The following NDFIP2 variants were observed in gnomAD, a reference collection of about 807,000 sequenced individuals.
NDFIP2 encodes the protein Nedd4 family interacting protein 2, also known as NEDD4 family-interacting protein 2.
NDFIP2 carries 19 observed loss-of-function variants against 36.0 expected under a neutral mutation model. The ratio of observed to expected loss-of-function variants is 0.53; its 90% CI spans 0.37 to 0.77. The LOEUF (loss-of-function observed/expected upper bound fraction) is 0.77, where lower values mean the gene tolerates loss of function less well. Among genes scored for constraint, NDFIP2 ranks in the 30% least tolerant of loss-of-function variants. NDFIP2 has a pLI of 0.00. For synonymous variants in NDFIP2, 181 were observed against 167.7 expected (o/e 1.08, Z -0.61); for missense variants, 446 against 435.8 (o/e 1.02, Z -0.21).
chr13:79,514,667 C>G (rs565703968), intron 1 of NDFIP2, among the ~76,000 whole-genome samples: 1 of 152,130 alleles, frequency 6.6e-6, no homozygotes. Flanking sequence ...TATATAAATA[C>G]AGATTCCTTT....
At chr13:79,530,680 A>G in intron 2 of NDFIP2, among the ~76,000 whole-genome samples, 1 of 152,198 alleles carries the variant, frequency 6.6e-6, no homozygotes, top group Non-Finnish European at 1.5e-5. Flanking sequence ...TCAAGAAATC[A>G]CTTTCTTTGC....
intron 1 of NDFIP2, among the ~76,000 whole-genome samples, 196 bp from the exon 2 acceptor site, chr13:79,520,611 ACTT>A (rs762967816): frequency 2.0e-5 from 3 of 152,190 alleles, no homozygotes; most frequent in Non-Finnish European, 2.9e-5. Context: ...AAAATTCTGA[ACTT>A]CTTAATAACT....
At chr13:79,551,492 T>G (rs1288540947) in intron 7 of NDFIP2, among the ~76,000 whole-genome samples, 4 of 151,476 alleles carry the variant, frequency 2.6e-5, no homozygotes, top group Admixed American at 2.0e-4. Flanking sequence ...ACCGAAGGAA[T>G]GAGCATTTTT....
intron 1 of NDFIP2, among the ~76,000 whole-genome samples, chr13:79,511,876 G>C (rs539268661): frequency 6.6e-6 from 1 of 152,312 alleles, no homozygotes; most frequent in Non-Finnish European, 1.5e-5. Flanking sequence ...AGACTTGCAA[G>C]TGAATGTTTC....
At chr13:79,500,772 A>C (rs945716095) in intron 1 of NDFIP2, among the ~76,000 whole-genome samples, 2 of 152,044 alleles carry the variant, frequency 1.3e-5, no homozygotes, top group South Asian at 4.1e-4. Context: ...AAAGCTAAAC[A>C]TACTCTTACC....
intron 5 of NDFIP2, among the ~76,000 whole-genome samples, chr13:79,547,489 G>A (rs545717348): frequency 1.3e-5 from 2 of 152,190 alleles, no homozygotes; most frequent in East Asian, 3.9e-4. Flanking sequence ...GTAATCATTT[G>A]AGGCATTGTT....
chr13:79,547,852 G>A (rs931448524), intron 5 of NDFIP2, among the ~76,000 whole-genome samples: 1 of 152,034 alleles, frequency 6.6e-6, no homozygotes, highest in Non-Finnish European at 1.5e-5. Flanking sequence ...AACAGTAGGG[G>A]GTGTACAGAA....
At chr13:79,518,787 A>C (rs116397565) in intron 1 of NDFIP2, among the ~76,000 whole-genome samples, 4,796 of 152,200 alleles carry the variant, frequency 0.032, 199 homozygotes, top group African/African-American at 0.094. Context: ...AAAAATTTAC[A>C]TGCTGATCTT....
chr13:79,495,407 A>G (rs1490175798), intron 1 of NDFIP2, among the ~76,000 whole-genome samples: 1 of 151,966 alleles, frequency 6.6e-6, no homozygotes, highest in African/African-American at 2.4e-5. Context: ...TATCTCTGAT[A>G]GTGATCTTTG....
chr13:79,502,587 G>C (rs983700786), intron 1 of NDFIP2, among the ~76,000 whole-genome samples: 2 of 152,060 alleles, frequency 1.3e-5, no homozygotes, highest in Admixed American at 1.3e-4. Flanking sequence ...ATAGTTATCA[G>C]GAAGCTAAAG....
At chr13:79,502,034 C>T (rs1423904173) in intron 1 of NDFIP2, among the ~76,000 whole-genome samples, 3 of 151,976 alleles carry the variant, frequency 2.0e-5, no homozygotes, top group African/African-American at 4.8e-5. Flanking sequence ...ACCTATTTCC[C>T]GCACCCAGTA....
chr13:79,507,004 G>A (rs912148114), intron 1 of NDFIP2, among the ~76,000 whole-genome samples: 19 of 151,938 alleles, frequency 1.3e-4, no homozygotes, highest in African/African-American at 2.4e-5. Context: ...AAAACTGCAT[G>A]TTTAAAATTT....
chr13:79,510,455 C>T (rs937233694), intron 1 of NDFIP2, among the ~76,000 whole-genome samples: 1 of 151,352 alleles, frequency 6.6e-6, no homozygotes, highest in Non-Finnish European at 1.5e-5. Flanking sequence ...CATTGCCTTC[C>T]GAAAGTTCTC....
At chr13:79,527,607 TA>T (rs1285873323) in intron 2 of NDFIP2, among the ~76,000 whole-genome samples, 1 of 152,228 alleles carries the variant, frequency 6.6e-6, no homozygotes, top group Non-Finnish European at 1.5e-5. Flanking sequence ...AGTGTTGGTG[TA>T]AACATATCCA....
intron 7 of NDFIP2, among the ~76,000 whole-genome samples, chr13:79,551,343 A>G (rs1251170324): frequency 6.6e-6 from 1 of 151,522 alleles, no homozygotes; most frequent in Non-Finnish European, 1.5e-5. Flanking sequence ...TTAATTTTTA[A>G]AATACATAGC....
intron 7 of NDFIP2, among the ~76,000 whole-genome samples, 158 bp downstream of exon 7, chr13:79,551,280 T>A (rs1875900073): frequency 6.6e-6 from 1 of 151,526 alleles, no homozygotes; most frequent in South Asian, 2.1e-4. Flanking sequence ...ATTTGATAAG[T>A]CATAGACCTT....
intron 1 of NDFIP2, among the ~76,000 whole-genome samples, chr13:79,513,960 AT>A (rs1874174147): frequency 6.6e-6 from 1 of 152,182 alleles, no homozygotes; most frequent in South Asian, 2.1e-4. Context: ...AATGTGCCAT[AT>A]AGAGCATGTT....
At chr13:79,531,135 A>G (rs1372245980) in intron 2 of NDFIP2, among the ~76,000 whole-genome samples, 3 of 152,212 alleles carry the variant, frequency 2.0e-5, no homozygotes, top group African/African-American at 7.2e-5. Context: ...ATCTTCTTGT[A>G]CATCTCCTTC....
At chr13:79,533,123 T>G (rs1233620249) in intron 2 of NDFIP2, among the ~76,000 whole-genome samples, 200 bp from the exon 3 acceptor site, 1 of 152,204 alleles carries the variant, frequency 6.6e-6, no homozygotes, top group Non-Finnish European at 1.5e-5. Context: ...ATTTATCCAT[T>G]CTTTCTCTTT....
Sources: allele counts gnomAD v4.1 joint callset (sites outside exome capture counted in the v4.1 genomes callset), GRCh38; gene constraint gnomAD v4.1.1; transcripts MANE v1.5; gene names NCBI Gene and HGNC (gene_info 2026-07-23, HGNC 2026-07-21).